CEP295: variants seen among roughly 807,000 people sequenced by gnomAD.
CEP295 encodes centrosomal protein of 295 kDa.
CEP295 carries 190 observed loss-of-function variants against 291.6 expected under a neutral mutation model. That is an observed-to-expected ratio of 0.65 (90% CI 0.58 to 0.73). The LOEUF is 0.73. CEP295 is among the 30% of genes least tolerant of loss of function. The pLI, the probability that CEP295 is intolerant of heterozygous loss-of-function variation, is 0.00. For missense variants in CEP295, 2,863 were observed against 2,949.4 expected, an observed-to-expected ratio of 0.97 and a Z score of 0.68; for synonymous variants, 993 against 1,038.8, an observed-to-expected ratio of 0.96 and a Z score of 0.85.
chr11:93,694,790 A>G (rs1386572605), intron 12 of CEP295, among the ~76,000 whole-genome samples: 3 of 152,170 alleles, frequency 2.0e-5, no homozygotes, highest in Admixed American at 6.5e-5. Flanking sequence ...TATTTCTGGA[A>G]TTTTCTATTT....
intron 1 of CEP295, among the ~76,000 whole-genome samples, chr11:93,665,430 G>A (rs10741470): frequency 0.89 from 135,970 of 152,254 alleles, 62,155 homozygotes; most frequent in Non-Finnish European, 0.99. Context: ...GATCTGGGCC[G>A]GGCGTGGTGG....
At chr11:93,685,028 A>C (rs7926876) in intron 9 of CEP295, among the ~76,000 whole-genome samples, 137,385 of 152,226 alleles carry the variant, frequency 0.9, 63,143 homozygotes, top group Non-Finnish European at 0.99. Context: ...TCTAGCAATA[A>C]ATTTATGATC....
chr11:93,674,028 T>C (rs1950571216), intron 5 of CEP295, among the ~76,000 whole-genome samples: 1 of 151,664 alleles, frequency 6.6e-6, no homozygotes, highest in Admixed American at 6.6e-5. Flanking sequence ...TCTTGGCTCA[T>C]TTTGCATCAT....
rs748235081 is a variant in CEP295, at chr11:93,699,453, C to T, written c.4541C>T (p.Thr1514Ile). 2 of 1,551,690 alleles carry T rather than the reference C, an allele frequency of 1.3e-6. No homozygotes were observed. Among genetic ancestry groups the T allele is most frequent in the Non-Finnish European group, 1.7e-6 (2 of 1,146,978 alleles). The change falls in exon 15 of 30, where the codon ACA becomes ATA. Residue 1514 changes from threonine to isoleucine, a missense_variant. By Grantham distance (89) the Thr-to-Ile change is moderately conservative. Coordinates refer to ENST00000325212, the MANE Select transcript of CEP295 (RefSeq NM_033395.2). ...DLQALQQQLD[T>I]QKKAIRSIQE... ...CAGGCACTTCAACAGCAGTTAGATACACAGAAGAAAGCCATTCGATCTATA... is the reference window on the plus strand; with the variant it reads ...CAGGCACTTCAACAGCAGTTAGATATACAGAAGAAAGCCATTCGATCTATA...
At chr11:93,703,353 C>A (rs1952297490) in intron 17 of CEP295, among the ~76,000 whole-genome samples, 1 of 150,898 alleles carries the variant, frequency 6.6e-6, no homozygotes, top group Admixed American at 6.6e-5. Context: ...GACTGACTTT[C>A]ATGAAAAGGA....
intron 22 of CEP295, among the ~76,000 whole-genome samples, chr11:93,725,006 G>A (rs1310926727): frequency 6.6e-6 from 1 of 152,014 alleles, no homozygotes; most frequent in Non-Finnish European, 1.5e-5. Flanking sequence ...TGTAATCCCA[G>A]CACTTTGGGA....
chr11:93,697,032 A>C lies in CEP295; in HGVS notation c.2120A>C (p.Gln707Pro). Residue 707 changes from glutamine to proline, a missense_variant, in exon 15 of 30, where the codon CAA (glutamine) becomes CCA (proline). Gln to Pro is a moderately conservative substitution (Grantham distance 76). Transcript: ENST00000325212. ...DILTNQALES[Q>P]EHLRQFSQTE... ...TTAACCAATCAAGCTTTAGAATCAC[A>C]AGAACATCTAAGGCAATTCTCTCAG... 1 of 1,551,596 alleles carries C rather than the reference A, an allele frequency of 6.4e-7. No homozygotes were observed. Among genetic ancestry groups the C allele is most frequent in the Non-Finnish European group, 8.7e-7 (1 of 1,147,002 alleles).
intron 21 of CEP295, chr11:93,723,588 A>G (rs1175113548): frequency 3.1e-5 from 7 of 229,434 alleles, no homozygotes; most frequent in African/African-American, 1.2e-4. Flanking sequence ...CAGAAATCAT[A>G]CAGTTCTGGA....
chr11:93,674,245 G>T (rs764484905), intron 5 of CEP295, among the ~76,000 whole-genome samples: 3 of 152,190 alleles, frequency 2.0e-5, no homozygotes, highest in Admixed American at 6.5e-5. Context: ...TTACAGGCAT[G>T]AGCCACCGCG....
In CEP295 at chr11:93,666,735, A is replaced by T. The variant is rs1050771058; in HGVS notation, c.28A>T (p.Lys10Ter). The T allele has an allele frequency of 6.5e-7, 1 of 1,544,468 alleles. No individual in the cohort carries two copies. The highest frequency in any genetic ancestry group is 8.8e-7 in the Non-Finnish European group (1 of 1,141,850). Residue 10 changes from lysine to a stop codon, truncating the protein, a stop_gained, in exon 2 of 30, where the codon AAG (lysine) becomes TAG (stop). Coordinates refer to ENST00000325212, the MANE Select transcript of CEP295 (RefSeq NM_033395.2). LOFTEE classifies it high-confidence loss of function. ...GAAGAGAAAAGTCGTGAATACTCAC[A>T]AGCTGAGATTGAGTCCTAATGAGGA... MKRKVVNTH[K>*]LRLSPNEEAF...
At chr11:93,717,281 G>T (rs1358555184) in intron 18 of CEP295, among the ~76,000 whole-genome samples, 4 of 152,092 alleles carry the variant, frequency 2.6e-5, no homozygotes, top group African/African-American at 9.7e-5. Flanking sequence ...TTACACAATG[G>T]ATATTTGCAT....
rs1951869840 is a variant in CEP295 at position 93,696,852 on chromosome 11, A to C, written c.1940A>C (p.Gln647Pro). 1 of 1,551,774 alleles carries C rather than the reference A, an allele frequency of 6.4e-7. No homozygotes were observed. ...ACTGCTATATCAGAGCATTGGGATC[A>C]AGGTCAGAGACTCAAGTTGAGTCCT... ...RPTAISEHWD[Q>P]GQRLKLSPNK... Residue 647 changes from glutamine (Q) to proline (P), a missense_variant, in exon 15 of 30, where the codon CAA becomes CCA. Gln to Pro is a moderately conservative substitution (Grantham distance 76). Coordinates refer to ENST00000325212, the MANE Select transcript of CEP295 (RefSeq NM_033395.2).
chr11:93,712,077 G>C (rs1230046349), intron 18 of CEP295, among the ~76,000 whole-genome samples: 2 of 151,948 alleles, frequency 1.3e-5, no homozygotes, highest in Non-Finnish European at 1.5e-5. Context: ...TATTTTACTG[G>C]GGTCTAGCTA....
At position 93,700,202 on chromosome 11, in the gene CEP295, G is replaced by T; in HGVS notation, c.5274+16G>T. The T allele has an allele frequency of 6.6e-7, 1 of 1,507,542 alleles. No individual in the cohort carries two copies. Among genetic ancestry groups the T allele is most frequent in the East Asian group, 2.5e-5 (1 of 40,520 alleles). The allele number at this position is 1,507,542 out of a possible 1,614,324, so 93.4% of individuals were successfully genotyped here. A position where few individuals can be genotyped will look rare whatever the true frequency, so the allele number is the denominator to read the frequency against. ...AGACAGTCAGGTATGTTTTAAACCT[G>T]AATAATAATGAAACACTAGAAGTTT... is the stretch of plus-strand genomic sequence containing the variant. On this transcript the variant is annotated intron_variant, in intron 15 of 29. Coordinates refer to ENST00000325212, the MANE Select transcript of CEP295 (RefSeq NM_033395.2).
Position 93,696,946 on chromosome 11 carries a change from A to G in CEP295, c.2034A>G (p.Arg678=), listed in dbSNP as rs1007222326. 5.4e-5 allele frequency: 84 copies of G among 1,551,910 alleles called. No homozygotes were observed. Among genetic ancestry groups the G allele is most frequent in the Non-Finnish European group, 6.4e-5 (73 of 1,147,084 alleles). ...AACAAGATCATTTTCAGGTAGCGAG[A>G]CAAAATCACTTTCCACAAAGACAGG... is the stretch of plus-strand genomic sequence containing the variant. The part of the protein sequence containing the change: ...KLEQDHFQVA[R]QNHFPQRQVE... The change falls in exon 15 of 30, where the codon AGA becomes AGG. Residue 678 remains arginine, a synonymous_variant. Coordinates refer to ENST00000325212, the MANE Select transcript of CEP295 (RefSeq NM_033395.2).
intron 9 of CEP295, among the ~76,000 whole-genome samples, 184 bp downstream of exon 9, chr11:93,684,312 G>A (rs1002654372): frequency 6.6e-6 from 1 of 152,180 alleles, no homozygotes; most frequent in African/African-American, 2.4e-5. Context: ...TTTCATATGT[G>A]TAGGAGGAAA....
intron 5 of CEP295, among the ~76,000 whole-genome samples, chr11:93,673,571 GCAAC>G (rs995385238): frequency 3.3e-5 from 5 of 151,596 alleles, no homozygotes; most frequent in Non-Finnish European, 7.4e-5. Flanking sequence ...TCGGCTCCCT[GCAAC>G]CTCTGCCTCC....
chr11:93,690,120 TA>T (rs1394295237), intron 10 of CEP295, among the ~76,000 whole-genome samples: 1 of 152,136 alleles, frequency 6.6e-6, no homozygotes, highest in African/African-American at 2.4e-5. Context: ...GTTCTTTTGA[TA>T]AAGGGCCTGG....
rs1023492333 is a variant in CEP295, at chr11:93,697,683, C to T, written c.2771C>T (p.Ser924Leu). 3.2e-6 allele frequency: 5 copies of T among 1,551,768 alleles called. No homozygotes were observed. The highest frequency in any genetic ancestry group is 4.4e-6 in the Non-Finnish European group (5 of 1,147,028). Residue 924 changes from serine to leucine, a missense_variant, in exon 15 of 30, where the codon TCA (serine) becomes TTA (leucine). Ser to Leu is a moderately radical substitution (Grantham distance 145). This residue lies in a region of CEP295 where 2,295 missense variants were observed against 2,335.7 expected (regional missense o/e 0.98). Coordinates refer to ENST00000325212, the MANE Select transcript of CEP295 (RefSeq NM_033395.2). ...SPTKNNIAVS[S>L]DHHVISQLQD... ...ACCAAGAATAATATTGCAGTTTCCT[C>T]AGACCATCATGTGATCTCACAACTT...
Sources: gnomAD v4.1 joint callset for allele counts (sites outside exome capture counted in the v4.1 genomes callset) on GRCh38, gnomAD v4.1.1 for gene constraint, gnomAD v4.1.1 regional missense constraint, MANE v1.5 for transcripts, NCBI Gene and HGNC (gene_info 2026-07-23, HGNC 2026-07-21) for gene names.